VPS33A: variants seen among roughly 807,000 people sequenced by gnomAD.
VPS33A encodes the protein vacuolar protein sorting-associated protein 33A.
In VPS33A, 32 loss-of-function variants were observed where a neutral mutation model predicts 71.8. The observed-to-expected ratio is 0.45, with a 90% CI of 0.34 to 0.60. The LOEUF is 0.60. VPS33A is among the 20% of genes least tolerant of loss of function. The pLI, the probability that VPS33A is intolerant of heterozygous loss-of-function variation, is 0.02. For missense variants in VPS33A, 625 were observed against 748.5 expected, an observed-to-expected ratio of 0.84 and a Z score of 1.92; for synonymous variants, 311 against 292.7, an observed-to-expected ratio of 1.06 and a Z score of -0.64.
At chr12:122,247,158 A>AT (rs1954787503) in intron 6 of VPS33A, among the ~76,000 whole-genome samples, 1 of 152,142 alleles carries the variant, frequency 6.6e-6, no homozygotes, top group East Asian at 1.9e-4. Context: ...GTTTTCTTCT[A>AT]TTTTTCCAAT....
chr12:122,240,086 A>AGGG (rs1954692937), intron 8 of VPS33A, 141 bp from the exon 9 acceptor site: 2 of 637,796 alleles, frequency 3.1e-6, no homozygotes, highest in Non-Finnish European at 5.5e-6. Flanking sequence ...TCAGCACTGT[A>AGGG]GGGGGCCGAG....
chr12:122,260,322 T>G (rs192853827), intron 4 of VPS33A, among the ~76,000 whole-genome samples: 3 of 151,886 alleles, frequency 2.0e-5, no homozygotes, highest in East Asian at 3.9e-4. Context: ...TTTTTTGAGA[T>G]AGAGTCTCCC....
At chr12:122,257,490 G>T (rs1296899386) in intron 4 of VPS33A, among the ~76,000 whole-genome samples, 1 of 147,594 alleles carries the variant, frequency 6.8e-6, no homozygotes, top group African/African-American at 2.5e-5. Context: ...TGGACAACAC[G>T]GTGAAACCCC....
rs145166280 is a variant in VPS33A at position 122,250,515 on chromosome 12, G to A, written c.600+468C>T. ...CTGACAGCCAGCAGCTCTGTGACTC[G>A]TGCCTGAACGAAGCGTCTCTGACAC... On this transcript the variant is annotated intron_variant, in intron 5 of 12. Transcript: ENST00000267199. Among the ~76,000 whole-genome samples, 467 of 152,224 alleles carry A rather than the reference G, an allele frequency of 3.1e-3. 3 individuals are homozygous for A. Among genetic ancestry groups the A allele is most frequent in the African/African-American group, 0.01 (434 of 41,538 alleles).
At chr12:122,250,122 A>G in intron 5 of VPS33A, 77 bp from the exon 6 acceptor site, 1 of 1,418,900 alleles carries the variant, frequency 7.0e-7, no homozygotes, top group Non-Finnish European at 9.4e-7. Context: ...AACCAGAAAG[A>G]CAATCAAAAA....
chr12:122,260,883 A>G (rs1277514808), intron 4 of VPS33A, among the ~76,000 whole-genome samples: 3 of 152,156 alleles, frequency 2.0e-5, no homozygotes, highest in Non-Finnish European at 4.4e-5. Flanking sequence ...GCTGAGGCAG[A>G]AGAATCCCTT....
At chr12:122,255,140 T>G (rs1215781318) in intron 4 of VPS33A, among the ~76,000 whole-genome samples, 1 of 152,212 alleles carries the variant, frequency 6.6e-6, no homozygotes, top group East Asian at 1.9e-4. Flanking sequence ...TGCACAGATT[T>G]TGTCACTCCA....
At chr12:122,260,562 G>A (rs1429145323) in intron 4 of VPS33A, among the ~76,000 whole-genome samples, 1 of 152,034 alleles carries the variant, frequency 6.6e-6, no homozygotes, top group Non-Finnish European at 1.5e-5. Flanking sequence ...GCCTCCTAAA[G>A]TGCTAGGATT....
chr12:122,232,689 G>A, intron 12 of VPS33A, 111 bp downstream of exon 12: 1 of 1,350,102 alleles, frequency 7.4e-7, no homozygotes, highest in South Asian at 1.4e-5. Context: ...CAAAAGAGGT[G>A]TATTTAATTC....
chr12:122,232,297 T>C lies in VPS33A; in HGVS notation c.1740A>G (p.Lys580=). The C allele has an allele frequency of 3.7e-6, 6 of 1,614,116 alleles. No individual in the cohort carries two copies. Among genetic ancestry groups the C allele is most frequent in the Non-Finnish European group, 5.1e-6 (6 of 1,180,028 alleles). The part of the protein sequence containing the change: ...GGTEYVIATT[K]LMNGTSWIEA... ...CTATCCAACTGGTTCCATTCATTAGTTTAGTGGTGGCAATGACATATTCTG... is the reference window on the plus strand; with the variant it reads ...CTATCCAACTGGTTCCATTCATTAGCTTAGTGGTGGCAATGACATATTCTG... Residue 580 remains lysine (K), a synonymous_variant, in exon 13 of 13, where the codon AAA becomes AAG. Coordinates refer to ENST00000267199, the MANE Select transcript of VPS33A (RefSeq NM_022916.6).
chr12:122,230,881 G>A lies in VPS33A; in HGVS notation c.*1365C>T, dbSNP rs1954551696. ...CACCACAGCCTGACAGTCTCCTGCA[G>A]GAGTAGCAGCAGCTGTGGCTGCTGG... On this transcript the variant is annotated 3_prime_UTR_variant, in exon 13 of 13. Coordinates refer to ENST00000267199, the MANE Select transcript of VPS33A (RefSeq NM_022916.6). 6.6e-6 allele frequency: 1 copy of A among 152,264 alleles called. No individual in the cohort carries two copies. Among genetic ancestry groups the A allele is most frequent in the Non-Finnish European group, 1.5e-5 (1 of 68,094 alleles). 9.4% of individuals were successfully genotyped at this position (152,264 alleles called of 1,614,324 possible). A position where few individuals can be genotyped will look rare whatever the true frequency, so the allele number is the denominator to read the frequency against.
Position 122,232,245 on chromosome 12 carries a change from C to T in VPS33A, c.*1G>A. ...CACTTGTTAAGTCTCCTCTGAACAT[C>T]CTAGAAAGGTTTTTCCATCAGAGCC... On this transcript the variant is annotated 3_prime_UTR_variant, in exon 13 of 13. Coordinates refer to ENST00000267199, the MANE Select transcript of VPS33A (RefSeq NM_022916.6). 4.3e-6 allele frequency: 7 copies of T among 1,609,836 alleles called. No homozygotes were observed. The highest frequency in any genetic ancestry group is 5.9e-6 in the Non-Finnish European group (7 of 1,178,232).
rs897150085 is a variant in VPS33A at position 122,250,179 on chromosome 12, C to A, written c.601-134G>T. ...GAAGAGTGCATTGCTTAGAAATAAG[C>A]AGCTCTAGAAAAGCACCTTGCTGTT... On this transcript the variant is annotated intron_variant, in intron 5 of 12. Transcript: ENST00000267199. 104 of 1,001,862 alleles carry A rather than the reference C, an allele frequency of 1.0e-4. 1 individual carries two copies. In the Admixed American group the frequency reaches 2.2e-3, roughly 21 times the overall value. The allele number at this position is 1,001,862 out of a possible 1,614,324, so 62.1% of individuals were successfully genotyped here. A position where few individuals can be genotyped will look rare whatever the true frequency, so the allele number is the denominator to read the frequency against.
Position 122,231,887 on chromosome 12 carries a change from T to C in VPS33A, c.*359A>G, listed in dbSNP as rs1314038031. The C allele has an allele frequency of 1.1e-5, 4 of 367,400 alleles. No homozygotes were observed. The highest frequency in any genetic ancestry group is 4.6e-5 in the Admixed American group (1 of 21,792). The allele number at this position is 367,400 out of a possible 1,614,324, so 22.8% of individuals were successfully genotyped here. On this transcript the variant is annotated 3_prime_UTR_variant, in exon 13 of 13. Coordinates refer to ENST00000267199, the MANE Select transcript of VPS33A (RefSeq NM_022916.6). The stretch of plus-strand genomic sequence containing the variant: ...GCCTGGCCAACATGGTGAAACACCA[T>C]GGCTACTAAAAATACAAAAATTAGC...
At chr12:122,245,323 T>A (rs1302983681) in intron 6 of VPS33A, among the ~76,000 whole-genome samples, 2 of 152,168 alleles carry the variant, frequency 1.3e-5, no homozygotes, top group Admixed American at 1.3e-4. Context: ...TGTGTGTATA[T>A]ACTGGCTCAT....
In VPS33A at chr12:122,266,401, G is replaced by A. The variant is rs765189927; in HGVS notation, c.8C>T (p.Ala3Val). ...GTTCACTCGGCCGTAGGACAGATGA[G>A]CCGCCATCTTGCTCCACCACCCCCT... MA[A>V]HLSYGRVNLN... Residue 3 changes from alanine to valine, a missense_variant, in exon 1 of 13, where the codon GCT (alanine) becomes GTT (valine). Coordinates refer to ENST00000267199, the MANE Select transcript of VPS33A (RefSeq NM_022916.6). 2.5e-5 allele frequency: 40 copies of A among 1,610,778 alleles called. No individual in the cohort carries two copies. Among genetic ancestry groups the A allele is most frequent in the African/African-American group, 5.3e-5 (4 of 74,860 alleles).
intron 6 of VPS33A, chr12:122,248,067 T>TGTGTGTGC: frequency 6.6e-6 from 1 of 151,764 alleles, no homozygotes; most frequent in African/African-American, 2.4e-5. Context: ...CAGCTGTGTG[T>TGTGTGTGC]GTGTGTGTGT....
intron 4 of VPS33A, among the ~76,000 whole-genome samples, chr12:122,255,192 C>T (rs965233846): frequency 1.3e-5 from 2 of 152,068 alleles, no homozygotes; most frequent in African/African-American, 4.8e-5. Context: ...ATTAAATACA[C>T]AAATATGGAT....
At chr12:122,245,163 C>T (rs1045319851) in intron 6 of VPS33A, among the ~76,000 whole-genome samples, 1 of 152,080 alleles carries the variant, frequency 6.6e-6, no homozygotes, top group East Asian at 1.9e-4. Context: ...CAAAACCAAA[C>T]GAAACCAAAA....
Sources: gnomAD v4.1 joint callset for allele counts (sites outside exome capture counted in the v4.1 genomes callset) on GRCh38, gnomAD v4.1.1 for gene constraint, MANE v1.5 for transcripts, NCBI Gene and HGNC (gene_info 2026-07-23, HGNC 2026-07-21) for gene names.